The following PRR16 variants were observed in gnomAD, a reference collection of about 807,000 sequenced individuals.
PRR16 encodes protein Largen.
In PRR16, 6 loss-of-function variants were observed where a neutral mutation model predicts 18.2. The observed-to-expected ratio is 0.33, with a 90% CI of 0.18 to 0.65. PRR16 has a LOEUF of 0.65. PRR16 is among the 30% of genes least tolerant of loss of function. The pLI is 0.74. For missense variants in PRR16, 412 were observed against 376.6 expected (o/e 1.09, Z -0.78); for synonymous variants, 151 against 147.8 (o/e 1.02, Z -0.16).
At chr5:120,736,004 G>T in the PRR16 span, among the ~76,000 whole-genome samples, 26 of 152,188 alleles carry the variant, frequency 1.7e-4, no homozygotes, top group Non-Finnish European at 2.6e-4. Context: ...CACCATGGAA[G>T]GTAAGGATCC....
chr5:120,539,354 TAAC>T (rs544252606), intron 1 of PRR16, among the ~76,000 whole-genome samples: 145 of 151,760 alleles, frequency 9.6e-4, no homozygotes, highest in East Asian at 5.2e-3. Context: ...TTTAAAATAA[TAAC>T]AACAAAGAAA....
At chr5:120,612,878 A>G (rs1043699873) in intron 1 of PRR16, among the ~76,000 whole-genome samples, 2 of 152,202 alleles carry the variant, frequency 1.3e-5, no homozygotes, top group Non-Finnish European at 2.9e-5. Flanking sequence ...TTTGAGTATT[A>G]ATGCATGTAT....
the PRR16 span, among the ~76,000 whole-genome samples, chr5:120,713,915 G>A: frequency 6.6e-6 from 1 of 152,008 alleles, no homozygotes; most frequent in African/African-American, 2.4e-5. Flanking sequence ...TGGTTCTCCT[G>A]TATCAAAAAC....
At chr5:120,467,362 A>G (rs991475258) in intron 1 of PRR16, among the ~76,000 whole-genome samples, 30 of 152,276 alleles carry the variant, frequency 2.0e-4, no homozygotes, top group African/African-American at 7.2e-4. Context: ...AAAAGTAGTT[A>G]TGACTATATC....
chr5:120,468,014 G>A (rs149827727), intron 1 of PRR16, among the ~76,000 whole-genome samples: 5 of 152,186 alleles, frequency 3.3e-5, no homozygotes, highest in Non-Finnish European at 7.4e-5. Flanking sequence ...TATTTATCCT[G>A]TCTTCCAACA....
chr5:120,467,872 C>A (rs780312383), intron 1 of PRR16, among the ~76,000 whole-genome samples: 1 of 152,078 alleles, frequency 6.6e-6, no homozygotes, highest in East Asian at 1.9e-4. Context: ...ATTGGAAAAG[C>A]CTTAAATATA....
At chr5:120,783,540 T>A in the PRR16 span, among the ~76,000 whole-genome samples, 1 of 152,194 alleles carries the variant, frequency 6.6e-6, no homozygotes, top group East Asian at 1.9e-4. Context: ...AAACTGGTAA[T>A]ATGCTGCCTA....
the PRR16 span, among the ~76,000 whole-genome samples, chr5:120,775,061 AAAAT>A: frequency 6.6e-6 from 1 of 152,190 alleles, no homozygotes; most frequent in Non-Finnish European, 1.5e-5. Flanking sequence ...GACACTTACT[AAAAT>A]AAAGTTTAAA....
chr5:120,559,287 G>T (rs1327502059), intron 1 of PRR16, among the ~76,000 whole-genome samples: 2 of 151,882 alleles, frequency 1.3e-5, no homozygotes, highest in East Asian at 3.9e-4. Context: ...TGAAGTCTTA[G>T]ATTTGTCTTT....
chr5:120,662,849 G>C (rs552942994), intron 1 of PRR16, among the ~76,000 whole-genome samples: 6 of 152,184 alleles, frequency 3.9e-5, no homozygotes, highest in African/African-American at 1.4e-4. Context: ...GACCTTGGGG[G>C]CAGGAATAGG....
At chr5:120,762,430 G>A in the PRR16 span, among the ~76,000 whole-genome samples, 4 of 152,046 alleles carry the variant, frequency 2.6e-5, no homozygotes, top group Non-Finnish European at 5.9e-5. Context: ...TATTGTGATT[G>A]TTGTAGTTTT....
chr5:120,763,269 A>C, the PRR16 span, among the ~76,000 whole-genome samples: 1 of 151,728 alleles, frequency 6.6e-6, no homozygotes, highest in Non-Finnish European at 1.5e-5. Context: ...TCAGCCTCCC[A>C]AGTAAGTGGG....
intron 1 of PRR16, among the ~76,000 whole-genome samples, chr5:120,546,889 T>C (rs1752090599): frequency 6.6e-6 from 1 of 152,026 alleles, no homozygotes; most frequent in Non-Finnish European, 1.5e-5. Context: ...CACTAACCCA[T>C]AGGCCGTGTC....
Position 120,650,759 on chromosome 5 carries a change from G to C in PRR16, c.160-35195G>C, listed in dbSNP as rs1310143123. On this transcript the variant is annotated intron_variant, in intron 1 of 1. Transcript: ENST00000407149. ...ACATTTGGGTTGGTTCCAAGTCTTTGCTGTTGTGAATAGTGCCACAATAAA... is the reference window on the plus strand; with the variant it reads ...ACATTTGGGTTGGTTCCAAGTCTTTCCTGTTGTGAATAGTGCCACAATAAA... 2.1e-4 allele frequency among the ~76,000 whole-genome samples: 32 copies of C among 152,042 alleles called. 1 individual carries two copies. Among genetic ancestry groups the C allele is most frequent in the Admixed American group, 2.1e-3 (32 of 15,270 alleles).
At chr5:120,727,430 C>T in the PRR16 span, among the ~76,000 whole-genome samples, 1 of 152,060 alleles carries the variant, frequency 6.6e-6, no homozygotes, top group East Asian at 1.9e-4. Context: ...ATCCTGAAGG[C>T]AATGTGAACC....
At chr5:120,484,990 A>T (rs1188209757) in intron 1 of PRR16, among the ~76,000 whole-genome samples, 1 of 151,836 alleles carries the variant, frequency 6.6e-6, no homozygotes, top group South Asian at 2.1e-4. Context: ...ATATGATTCC[A>T]TGGGAGAAGG....
chr5:120,736,158 T>A, the PRR16 span, among the ~76,000 whole-genome samples: 1 of 152,232 alleles, frequency 6.6e-6, no homozygotes, highest in Non-Finnish European at 1.5e-5. Flanking sequence ...GGCTGTTGAT[T>A]CTACTGCATT....
intron 1 of PRR16, among the ~76,000 whole-genome samples, chr5:120,529,513 C>G (rs1751476241): frequency 6.6e-6 from 1 of 152,072 alleles, no homozygotes; most frequent in Admixed American, 6.6e-5. Flanking sequence ...ACTACATAAC[C>G]TTCTTGGTTA....
the PRR16 span, among the ~76,000 whole-genome samples, chr5:120,760,501 G>T: frequency 4.6e-5 from 7 of 151,894 alleles, no homozygotes; most frequent in Non-Finnish European, 8.8e-5. Context: ...TCTAAAACAA[G>T]AAACCCCTTG....
Sources: gnomAD v4.1 joint callset for allele counts (sites outside exome capture counted in the v4.1 genomes callset) on GRCh38, gnomAD v4.1.1 for gene constraint, MANE v1.5 for transcripts, NCBI Gene and HGNC (gene_info 2026-07-23, HGNC 2026-07-21) for gene names.